ENOX2: variants seen among roughly 807,000 people sequenced by gnomAD.
ENOX2 encodes the protein ecto-NOX disulfide-thiol exchanger 2.
In ENOX2, 36 loss-of-function variants were observed where a neutral mutation model predicts 45.0. The ratio of observed to expected loss-of-function variants is 0.80; its 90% CI spans 0.61 to 1.06. The LOEUF is 1.06. ENOX2 is among the 50% of genes least tolerant of loss of function. The probability of loss-of-function intolerance (pLI) is 0.00; values close to 1 mark genes in which losing one functional copy is unlikely to be tolerated. For missense variants in ENOX2, 423 were observed against 462.5 expected (o/e 0.91, Z 0.78); for synonymous variants, 174 against 152.3 (o/e 1.14, Z -1.05).
At chrX:130,728,139 T>C (rs1388693115) in intron 3 of ENOX2, among the ~76,000 whole-genome samples, 1 of 111,453 alleles carries the variant, frequency 9.0e-6, no homozygotes, top group African/African-American at 3.3e-5. Context: ...CAGGTTCCTG[T>C]AGTTCAGGCT....
At chrX:130,836,510 G>A (rs1249792909) in intron 2 of ENOX2, among the ~76,000 whole-genome samples, 2 of 111,390 alleles carry the variant, frequency 1.8e-5, no homozygotes, top group Non-Finnish European at 1.9e-5. Context: ...CCTTCTACAG[G>A]GGGTTTTCAG....
chrX:130,894,723 AAG>A (rs971208586), intron 2 of ENOX2, among the ~76,000 whole-genome samples: 3 of 111,561 alleles, frequency 2.7e-5, no homozygotes, highest in African/African-American at 9.8e-5. Context: ...ACTTCTTAGC[AAG>A]CTGACTTACT....
At chrX:130,873,131 T>G (rs1168534473) in intron 2 of ENOX2, among the ~76,000 whole-genome samples, 1 of 111,174 alleles carries the variant, frequency 9.0e-6, no homozygotes, top group Non-Finnish European at 1.9e-5. Context: ...GGGAGAAAAT[T>G]TTTGCAATCT....
At chrX:130,863,542 T>C (rs1422404968) in intron 2 of ENOX2, among the ~76,000 whole-genome samples, 1 of 112,520 alleles carries the variant, frequency 8.9e-6, no homozygotes, top group Non-Finnish European at 1.9e-5. Flanking sequence ...AAATGAGATA[T>C]GGTTTATGAA....
At chrX:130,773,819 G>C (rs1003615756) in intron 3 of ENOX2, among the ~76,000 whole-genome samples, 2 of 112,043 alleles carry the variant, frequency 1.8e-5, no homozygotes, top group South Asian at 3.7e-4. Context: ...ACAAGCAATT[G>C]CTCAATGTGA....
chrX:130,767,290 A>G (rs1225465223), intron 3 of ENOX2, among the ~76,000 whole-genome samples: 1 of 111,898 alleles, frequency 8.9e-6, no homozygotes, highest in South Asian at 3.7e-4. Flanking sequence ...AGGAACATAT[A>G]TTGTTTTATT....
chrX:130,810,600 C>A lies in ENOX2; in HGVS notation c.-182-26910G>T, dbSNP rs138811192. Among the ~76,000 whole-genome samples, 188 of 112,161 alleles carry A rather than the reference C, an allele frequency of 1.7e-3. 1 individual carries two copies. The highest frequency in any genetic ancestry group is 5.7e-3 in the African/African-American group (175 of 30,888). Reference sequence around the variant, plus strand: ...CATGTAGTCTTAGGTTTCATGCCTGCCCCAATGTCAGGTCAGCACCCTGAC... The same window carrying A: ...CATGTAGTCTTAGGTTTCATGCCTGACCCAATGTCAGGTCAGCACCCTGAC... On this transcript the variant is annotated intron_variant, in intron 2 of 14. Transcript: ENST00000394363.
chrX:130,881,329 G>C (rs2078804963), intron 2 of ENOX2, among the ~76,000 whole-genome samples: 2 of 112,294 alleles, frequency 1.8e-5, no homozygotes, highest in Non-Finnish European at 3.8e-5. Context: ...CCATTTTCAG[G>C]ATAGTTTTTC....
chrX:130,876,627 T>A (rs1316961715), intron 2 of ENOX2, among the ~76,000 whole-genome samples: 1 of 111,734 alleles, frequency 8.9e-6, no homozygotes, highest in African/African-American at 3.3e-5. Flanking sequence ...AAGCCATACA[T>A]CAATAAAGCT....
chrX:130,631,227 G>A (rs2035703126), intron 13 of ENOX2, among the ~76,000 whole-genome samples: 1 of 111,547 alleles, frequency 9.0e-6, no homozygotes, highest in African/African-American at 3.3e-5. Flanking sequence ...CTTAGTGCTT[G>A]TACTGACATG....
chrX:130,624,590 T>C lies in ENOX2; in HGVS notation c.*724A>G, dbSNP rs1170757211. 1 of 113,076 alleles carries C rather than the reference T, an allele frequency of 8.8e-6. No homozygotes were observed. The highest frequency in any genetic ancestry group is 1.9e-5 in the Non-Finnish European group (1 of 53,404). The allele number at this position is 113,076 out of a possible 1,213,427, so 9.3% of individuals were successfully genotyped here. ...TTAAAAGCAGACTATTTACAAGTGA[T>C]TCTGAATAGCATGAACACATGCCAG... is the stretch of plus-strand genomic sequence containing the variant. On this transcript the variant is annotated 3_prime_UTR_variant, in exon 15 of 15. Coordinates refer to ENST00000394363, the MANE Select transcript of ENOX2 (RefSeq NM_006375.4).
intron 3 of ENOX2, among the ~76,000 whole-genome samples, chrX:130,759,666 T>C: frequency 9.2e-6 from 1 of 109,125 alleles, no homozygotes; most frequent in East Asian, 2.9e-4. Context: ...CATTGATCTG[T>C]ATCTGTCCAC....
At chrX:130,815,818 A>T (rs1019073645) in intron 2 of ENOX2, among the ~76,000 whole-genome samples, 3 of 111,902 alleles carry the variant, frequency 2.7e-5, no homozygotes, top group African/African-American at 9.7e-5. Flanking sequence ...GACCATCAAC[A>T]CTATGAAGAC....
At chrX:130,796,222 T>C (rs1220049221) in intron 2 of ENOX2, among the ~76,000 whole-genome samples, 1 of 111,451 alleles carries the variant, frequency 9.0e-6, no homozygotes, top group Non-Finnish European at 1.9e-5. Context: ...GGAAATATAA[T>C]CATCTGGATT....
intron 10 of ENOX2, among the ~76,000 whole-genome samples, chrX:130,644,900 G>A (rs951368313): frequency 9.0e-6 from 1 of 111,236 alleles, no homozygotes; most frequent in East Asian, 2.8e-4. Flanking sequence ...TAAACTTTAG[G>A]TAATGATGAT....
At chrX:130,687,265 G>A (rs975500887) in intron 5 of ENOX2, among the ~76,000 whole-genome samples, 1 of 112,062 alleles carries the variant, frequency 8.9e-6, no homozygotes, top group East Asian at 2.8e-4. Flanking sequence ...CAGGTTGTGA[G>A]CCATCCTGTT....
intron 2 of ENOX2, among the ~76,000 whole-genome samples, chrX:130,857,299 A>G (rs1440150767): frequency 8.9e-6 from 1 of 112,584 alleles, no homozygotes; most frequent in East Asian, 2.8e-4. Context: ...GTGGTTGCCT[A>G]TGCAGACTGG....
chrX:130,703,093 C>T, intron 4 of ENOX2, 27 bp downstream of exon 4: 8 of 1,193,223 alleles, frequency 6.7e-6, no homozygotes, highest in Non-Finnish European at 9.1e-6. Context: ...AAAATAAGCA[C>T]TTGCGAGGTG....
chrX:130,763,459 G>T (rs765814914), intron 3 of ENOX2, among the ~76,000 whole-genome samples: 43 of 111,325 alleles, frequency 3.9e-4, no homozygotes, highest in Non-Finnish European at 6.6e-4. Context: ...GTGGGTAGGA[G>T]CACCTTCATA....
Sources: allele counts gnomAD v4.1 joint callset (sites outside exome capture counted in the v4.1 genomes callset), GRCh38; gene constraint gnomAD v4.1.1; transcripts MANE v1.5; gene names NCBI Gene and HGNC (gene_info 2026-07-23, HGNC 2026-07-21).